The following TAF3 variants were observed in gnomAD, a reference collection of about 807,000 sequenced individuals.
TAF3 encodes transcription initiation factor TFIID subunit 3.
Under a neutral mutation model 80.6 loss-of-function variants are expected in TAF3, and 7 were observed. The ratio of observed to expected loss-of-function variants is 0.09; its 90% CI spans 0.05 to 0.16. TAF3 has a LOEUF of 0.16. TAF3 is among the 10% of genes least tolerant of loss of function. The probability of loss-of-function intolerance (pLI) is 1.00; values close to 1 mark genes in which losing one functional copy is unlikely to be tolerated. For missense variants in TAF3, 921 were observed against 1,140.2 expected, an observed-to-expected ratio of 0.81 and a Z score of 2.77; for synonymous variants, 444 against 446.1, an observed-to-expected ratio of 1.00 and a Z score of 0.06.
intron 2 of TAF3, among the ~76,000 whole-genome samples, chr10:7,942,465 G>A (rs1387605536): frequency 2.0e-5 from 3 of 152,044 alleles, no homozygotes; most frequent in South Asian, 2.1e-4. Flanking sequence ...TTTATATGAC[G>A]TTGCTTTATG....
At chr10:7,830,763 C>A (rs1415347187) in intron 2 of TAF3, among the ~76,000 whole-genome samples, 1 of 152,084 alleles carries the variant, frequency 6.6e-6, no homozygotes. Context: ...GGATTCCAGG[C>A]GTGAGCCACC....
At chr10:7,858,917 T>C (rs532199151) in intron 2 of TAF3, among the ~76,000 whole-genome samples, 1 of 152,148 alleles carries the variant, frequency 6.6e-6, no homozygotes, top group Non-Finnish European at 1.5e-5. Context: ...ACTGCTGGCC[T>C]CTTCAGCGTC....
At chr10:7,836,293 CTTTT>C (rs34253534) in intron 2 of TAF3, among the ~76,000 whole-genome samples, 1 of 132,550 alleles carries the variant, frequency 7.5e-6, no homozygotes. Flanking sequence ...TTTTTTCTTT[CTTTT>C]TTTTTTTTTT....
chr10:7,992,303 A>G (rs1473443280), intron 4 of TAF3, among the ~76,000 whole-genome samples: 1 of 152,232 alleles, frequency 6.6e-6, no homozygotes, highest in Non-Finnish European at 1.5e-5. Flanking sequence ...TTACATTTTG[A>G]AAAGTTGATC....
In TAF3 at chr10:8,009,221, A is replaced by G. The variant is rs1297489219; in HGVS notation, c.2459A>G (p.Gln820Arg). The G allele has an allele frequency of 1.4e-6, 2 of 1,456,486 alleles. No individual in the cohort carries two copies. The highest frequency in any genetic ancestry group is 2.6e-5 in the Admixed American group (1 of 38,524). The allele number at this position is 1,456,486 out of a possible 1,614,324, so 90.2% of individuals were successfully genotyped here. A position where few individuals can be genotyped will look rare whatever the true frequency, so the allele number is the denominator to read the frequency against. ...PAPVPLPLLA[Q>R]AAAGPALLPS... ...CCCGTGCCGCTGCCGCTGCTCGCCC[A>G]GGCCGCCGCGGGCCCTGCCCTGCTG... The change falls in exon 5 of 7, where the codon CAG (glutamine) becomes CGG (arginine). Residue 820 changes from glutamine (Q) to arginine (R), a missense_variant. Around this residue, in one of 6 missense-constraint regions of TAF3, gnomAD observed 743 missense variants for 821.0 expected, o/e 0.90. Transcript: ENST00000344293. This position sits in a 1 kb window ranked among gnomAD's most constrained non-coding sequence, Gnocchi z 4.1.
chr10:7,965,648 A>C lies in TAF3; in HGVS notation c.2138A>C (p.Glu713Ala). The change falls in exon 3 of 7, where the codon GAA becomes GCA. Residue 713 changes from glutamate to alanine, a missense_variant. Physicochemically the swap from Glu to Ala is moderately radical, Grantham distance 107. This residue lies in a region of TAF3 where 743 missense variants were observed against 821.0 expected (regional missense o/e 0.90). Transcript: ENST00000344293. Reference protein sequence around the residue: ...KDKKEKKKKKEKEKEKKEKER... With the variant: ...KDKKEKKKKKAKEKEKKEKER... ...AAAAAGGAGAAGAAGAAAAAGAAGG[A>C]AAAAGAGAAGGAGAAGAAGGAGAAG... 1 of 1,602,858 alleles carries C rather than the reference A, an allele frequency of 6.2e-7. No homozygotes were observed. The highest frequency in any genetic ancestry group is 1.1e-5 in the South Asian group (1 of 88,014).
Position 7,973,707 on chromosome 10 carries a change from G to C in TAF3, c.2233-3534G>C, listed in dbSNP as rs569127111. 3.9e-5 allele frequency among the ~76,000 whole-genome samples: 6 copies of C among 152,104 alleles called. No homozygotes were observed. In the South Asian group the frequency reaches 1.2e-3, roughly 32 times the overall value. On this transcript the variant is annotated intron_variant, in intron 3 of 6. Transcript: ENST00000344293. ...AATTATAGGTAGCTTGTAAATGTTT[G>C]TTTATTTTTGTTATATTTGTTTATT...
chr10:7,903,004 T>C (rs1837573966), intron 2 of TAF3, among the ~76,000 whole-genome samples: 1 of 152,128 alleles, frequency 6.6e-6, no homozygotes, highest in South Asian at 2.1e-4. Context: ...GAGGATTGCT[T>C]GATCCCAGGA....
chr10:7,892,200 T>C (rs1173969568), intron 2 of TAF3, among the ~76,000 whole-genome samples: 4 of 152,248 alleles, frequency 2.6e-5, no homozygotes, highest in Admixed American at 1.3e-4. Flanking sequence ...TTTTCTATGC[T>C]CTTTTGTCTA....
intron 1 of TAF3, among the ~76,000 whole-genome samples, chr10:7,820,204 C>T (rs939116104): frequency 1.3e-5 from 2 of 152,180 alleles, no homozygotes; most frequent in Non-Finnish European, 2.9e-5. Context: ...TTATCACTTG[C>T]TCTAGGGAAC....
chr10:7,992,523 T>A (rs1831845358), intron 4 of TAF3, among the ~76,000 whole-genome samples: 1 of 148,898 alleles, frequency 6.7e-6, no homozygotes, highest in African/African-American at 2.4e-5. Context: ...TAGGAAGGGC[T>A]AAAGAGGTTT....
At chr10:7,833,950 G>T in intron 2 of TAF3, 1 of 347,984 alleles carries the variant, frequency 2.9e-6, no homozygotes. Context: ...ATTCCCGCTG[G>T]GCACCATGGC....
At chr10:7,827,789 A>C (rs1588514074) in intron 2 of TAF3, among the ~76,000 whole-genome samples, 2 of 151,236 alleles carry the variant, frequency 1.3e-5, no homozygotes, top group African/African-American at 4.9e-5. Context: ...CAAAAAAAAA[A>C]AAAAAAACAA....
chr10:7,876,432 A>G (rs1404187433), intron 2 of TAF3, among the ~76,000 whole-genome samples: 2 of 152,216 alleles, frequency 1.3e-5, no homozygotes, highest in African/African-American at 4.8e-5. Context: ...GGTATTTTAA[A>G]GTACATATTG....
chr10:7,884,302 T>TA (rs1837387639), intron 2 of TAF3, among the ~76,000 whole-genome samples: 1 of 152,024 alleles, frequency 6.6e-6, no homozygotes, highest in Admixed American at 6.6e-5. Flanking sequence ...GACAGTCCCT[T>TA]ACTTTCTGGC....
chr10:7,873,611 G>C (rs1837286485), intron 2 of TAF3, among the ~76,000 whole-genome samples: 1 of 99,104 alleles, frequency 1.0e-5, no homozygotes, highest in African/African-American at 4.1e-5. Flanking sequence ...GAAGACATCC[G>C]AGTTCTCCCC....
At chr10:7,839,344 C>A (rs578061202) in intron 2 of TAF3, among the ~76,000 whole-genome samples, 2 of 152,214 alleles carry the variant, frequency 1.3e-5, no homozygotes, top group South Asian at 4.2e-4. Flanking sequence ...CTCTTTAAGT[C>A]CTACACTCAT....
intron 2 of TAF3, among the ~76,000 whole-genome samples, chr10:7,912,300 A>T (rs974121929): frequency 3.3e-5 from 5 of 152,212 alleles, no homozygotes; most frequent in Admixed American, 2.6e-4. Flanking sequence ...GGGTCCCACG[A>T]TGTTGCCCAA....
intron 2 of TAF3, among the ~76,000 whole-genome samples, chr10:7,831,987 A>G (rs2131105403): frequency 6.6e-6 from 1 of 152,300 alleles, no homozygotes; most frequent in Non-Finnish European, 1.5e-5. Context: ...TGGAATAATT[A>G]AGTCAAGCTA....
Sources: gnomAD v4.1 joint callset for allele counts (sites outside exome capture counted in the v4.1 genomes callset) on GRCh38, gnomAD v4.1.1 for gene constraint, gnomAD v4.1.1 regional missense constraint, Gnocchi (gnomAD v3.1) non-coding constraint, MANE v1.5 for transcripts, NCBI Gene and HGNC (gene_info 2026-07-23, HGNC 2026-07-21) for gene names.